The following LRP2 variants were observed in gnomAD, a reference collection of about 807,000 sequenced individuals.
LRP2 encodes low-density lipoprotein receptor-related protein 2.
In LRP2, 172 loss-of-function variants were observed where a neutral mutation model predicts 531.0. That is an observed-to-expected ratio of 0.32 (90% confidence interval 0.29 to 0.37). The LOEUF (loss-of-function observed/expected upper bound fraction) is 0.37, where lower values mean the gene tolerates loss of function less well. Among genes scored for constraint, LRP2 ranks in the 10% least tolerant of loss-of-function variants. The pLI, the probability that LRP2 is intolerant of heterozygous loss-of-function variation, is 1.00. For missense variants in LRP2, 5,167 were observed against 5,868.3 expected, an observed-to-expected ratio of 0.88 and a Z score of 3.90; for synonymous variants, 1,992 against 2,027.6, an observed-to-expected ratio of 0.98 and a Z score of 0.47.
At chr2:169,199,748 G>T (rs993054654) in intron 44 of LRP2, among the ~76,000 whole-genome samples, 5 of 152,066 alleles carry the variant, frequency 3.3e-5, no homozygotes, top group African/African-American at 1.2e-4. Context: ...AAAGCAAGAA[G>T]AATCTCGCAC....
chr2:169,313,100 T>C (rs1453326202), intron 3 of LRP2, among the ~76,000 whole-genome samples: 1 of 152,188 alleles, frequency 6.6e-6, no homozygotes, highest in Non-Finnish European at 1.5e-5. Context: ...AGTTAGCCAT[T>C]CATCTAATCT....
At chr2:169,331,636 G>A (rs745651080) in intron 1 of LRP2, among the ~76,000 whole-genome samples, 62 of 152,276 alleles carry the variant, frequency 4.1e-4, no homozygotes, top group Non-Finnish European at 6.9e-4. Flanking sequence ...ACAGGATGTT[G>A]AAAAGAACAC....
rs2302695 is a variant in LRP2, at chr2:169,214,029, G to T, written c.5827-159C>A. Among the ~76,000 whole-genome samples the T allele has an allele frequency of 6.6e-6, 1 of 151,766 alleles. No homozygotes were observed. The highest frequency in any genetic ancestry group is 2.4e-5 in the African/African-American group (1 of 41,310). On this transcript the variant is annotated intron_variant, in intron 35 of 78. Coordinates refer to ENST00000649046, the MANE Select transcript of LRP2 (RefSeq NM_004525.3). ...TATTTTCTGATTTGATCATCACAAC[G>T]ACACCAAGCAGCAGGTCAGGAAAAT...
In LRP2 at chr2:169,140,526, G is replaced by T. The variant is rs1487832754; in HGVS notation, c.13128C>A (p.Asn4376Lys). The change falls in exon 72 of 79, where the codon AAC becomes AAA. Residue 4376 changes from asparagine to lysine, a missense_variant. Physicochemically the swap from Asn to Lys is moderately conservative, Grantham distance 94. Around this residue, in one of 6 missense-constraint regions of LRP2, gnomAD observed 348 missense variants for 369.3 expected, o/e 0.94. Transcript: ENST00000649046. Reference sequence around the variant, plus strand: ...GCATGCACCTGCATGGGGGGGGCAGGTTGATAGGCAGTTCGATGGCTGCAG... The same window carrying T: ...GCATGCACCTGCATGGGGGGGGCAGTTTGATAGGCAGTTCGATGGCTGCAG... ...ECDAAIELPI[N>K]LPPPCRCMHG... 3 of 1,613,918 alleles carry T rather than the reference G, an allele frequency of 1.9e-6. No individual in the cohort carries two copies. Among genetic ancestry groups the T allele is most frequent in the Non-Finnish European group, 2.5e-6 (3 of 1,179,840 alleles).
chr2:169,276,220 A>G (rs1391919183), intron 13 of LRP2, among the ~76,000 whole-genome samples: 2 of 152,288 alleles, frequency 1.3e-5, no homozygotes, highest in Admixed American at 6.5e-5. Context: ...TTTCTCTCTC[A>G]GTTAGCAAAT....
Position 169,137,542 on chromosome 2 carries a change from A to C in LRP2, c.13519-49T>G, listed in dbSNP as rs768025791. ...GAGAGAGAGAGAGAGAGAAACAGAG[A>C]GAGAGATTACACCATACTAATCTGG... On this transcript the variant is annotated intron_variant, in intron 75 of 78. Transcript: ENST00000649046. 2.5e-6 allele frequency: 3 copies of C among 1,196,756 alleles called. No individual in the cohort carries two copies. The South Asian group carries it at 3.6e-5, about 14-fold the overall frequency. The allele number at this position is 1,196,756 out of a possible 1,614,324, so 74.1% of individuals were successfully genotyped here.
At chr2:169,303,859 G>A (rs1684345599) in intron 4 of LRP2, among the ~76,000 whole-genome samples, 1 of 151,844 alleles carries the variant, frequency 6.6e-6, no homozygotes, top group Admixed American at 6.6e-5. Context: ...AGCCAAATTT[G>A]GTTTTCTTTC....
intron 42 of LRP2, among the ~76,000 whole-genome samples, chr2:169,203,188 T>C (rs1303983712): frequency 6.6e-6 from 1 of 151,580 alleles, no homozygotes; most frequent in Non-Finnish European, 1.5e-5. Context: ...ACAGGAAATA[T>C]CAACGACTCT....
intron 54 of LRP2, 41 bp downstream of exon 54, chr2:169,176,370 G>A (rs373120606): frequency 1.4e-4 from 230 of 1,611,160 alleles, no homozygotes; most frequent in Non-Finnish European, 1.9e-4. Flanking sequence ...GTCTGTCCAC[G>A]GGCTAGAGAG....
chr2:169,198,943 A>G (rs560995238), intron 44 of LRP2, 32 bp from the exon 45 acceptor site: 1 of 1,605,562 alleles, frequency 6.2e-7, no homozygotes, highest in Non-Finnish European at 8.5e-7. Flanking sequence ...AATATTAGGA[A>G]TATATCCACC....
At chr2:169,264,773 T>A (rs1469800296) in intron 16 of LRP2, among the ~76,000 whole-genome samples, 1 of 151,916 alleles carries the variant, frequency 6.6e-6, no homozygotes. Flanking sequence ...ACTAAGGGGC[T>A]CAGATAAAGC....
chr2:169,209,323 G>A, intron 38 of LRP2, 130 bp downstream of exon 38: 1 of 796,498 alleles, frequency 1.3e-6, no homozygotes, highest in Admixed American at 1.8e-5. Context: ...TAGATTCAAT[G>A]TATCTTAAAT....
At chr2:169,191,781 C>T in intron 48 of LRP2, 51 bp downstream of exon 48, 2 of 1,534,366 alleles carry the variant, frequency 1.3e-6, no homozygotes, top group Non-Finnish European at 1.8e-6. Flanking sequence ...GTGAGCCCAG[C>T]CCCCATGGAC....
intron 1 of LRP2, among the ~76,000 whole-genome samples, chr2:169,326,245 A>G (rs1685054799): frequency 8.4e-6 from 1 of 119,620 alleles, no homozygotes; most frequent in Non-Finnish European, 1.7e-5. Context: ...CTCTCTTTCC[A>G]CGGTCTCCCT....
At chr2:169,286,736 A>T (rs1431962462) in intron 9 of LRP2, among the ~76,000 whole-genome samples, 1 of 152,174 alleles carries the variant, frequency 6.6e-6, no homozygotes, top group East Asian at 1.9e-4. Flanking sequence ...TGAATTAGCG[A>T]TTCTGAAAGA....
chr2:169,355,006 G>A (rs973160693), intron 1 of LRP2, among the ~76,000 whole-genome samples: 17 of 152,200 alleles, frequency 1.1e-4, no homozygotes, highest in Non-Finnish European at 2.5e-4. Flanking sequence ...AAAGGAGTAG[G>A]AGCCTAAGAT....
intron 17 of LRP2, 117 bp downstream of exon 17, chr2:169,258,908 A>G (rs1690419880): frequency 2.1e-6 from 2 of 933,110 alleles, no homozygotes; most frequent in South Asian, 1.4e-5. Flanking sequence ...GGTGATTTCA[A>G]CTTATACAGT....
At chr2:169,193,651 C>T in intron 47 of LRP2, 110 bp downstream of exon 47, 1 of 1,306,312 alleles carries the variant, frequency 7.7e-7, no homozygotes, top group Non-Finnish European at 1.1e-6. Context: ...CTATCAGTGT[C>T]CATTCAATTA....
intron 4 of LRP2, among the ~76,000 whole-genome samples, chr2:169,299,131 G>GAA (rs1279948123): frequency 0.022 from 1,610 of 72,108 alleles, 79 homozygotes; most frequent in African/African-American, 0.074. Flanking sequence ...AAGAAAGAAA[G>GAA]AAAGAAAGAA....
Sources: allele counts gnomAD v4.1 joint callset (sites outside exome capture counted in the v4.1 genomes callset), GRCh38; gene constraint gnomAD v4.1.1; regional missense constraint gnomAD v4.1.1; transcripts MANE v1.5; gene names NCBI Gene and HGNC (gene_info 2026-07-23, HGNC 2026-07-21).